Variants in CDK7 observed in about 807,000 individuals in gnomAD.
CDK7 encodes cyclin dependent kinase 7, also known as cyclin-dependent kinase 7.
A neutral mutation model predicts 49.1 loss-of-function variants in CDK7; 25 were observed. The observed-to-expected ratio is 0.51, with a 90% CI of 0.37 to 0.71. The LOEUF is 0.71. Ranked by LOEUF, CDK7 falls within the 30% of genes least tolerant of loss-of-function variation. CDK7 has a pLI of 0.00. For synonymous variants in CDK7, 107 were observed against 140.0 expected (o/e 0.76, Z 1.67); for missense variants, 316 against 411.7 (o/e 0.77, Z 2.01).
In CDK7 at chr5:69,272,896, T is replaced by C. The variant is rs1238511100; in HGVS notation, c.719T>C (p.Met240Thr). 5 of 1,579,150 alleles carry C rather than the reference T, an allele frequency of 3.2e-6. No individual in the cohort carries two copies. The highest frequency in any genetic ancestry group is 2.2e-5 in the East Asian group (1 of 44,578). Residue 240 changes from methionine (M) to threonine (T), a missense_variant, in exon 10 of 12, where the codon ATG becomes ACG. Transcript: ENST00000256443. The stretch of plus-strand genomic sequence containing the variant: ...ATTACAAAATTATTTTTACAGGACA[T>C]GTGTAGTCTTCCAGATTATGTGACA... ...GTPTEEQWPD[M>T]CSLPDYVTFK... is the part of the protein sequence containing the mutation.
chr5:69,276,760 G>T, intron 11 of CDK7, 70 bp downstream of exon 11: 1 of 1,314,540 alleles, frequency 7.6e-7, no homozygotes, highest in South Asian at 1.3e-5. Flanking sequence ...TATGGCTAGC[G>T]ACTGAACAAC....
intron 9 of CDK7, among the ~76,000 whole-genome samples, chr5:69,270,973 T>G (rs534711952): frequency 6.6e-6 from 1 of 152,342 alleles, no homozygotes; most frequent in South Asian, 2.1e-4. Flanking sequence ...TATTTTTATT[T>G]CTCTGGGATA....
intron 11 of CDK7, 89 bp from the exon 12 acceptor site, chr5:69,277,018 A>G: frequency 9.3e-7 from 1 of 1,075,280 alleles, no homozygotes; most frequent in South Asian, 1.5e-5. Context: ...ATGTAGTTGG[A>G]ATGCAGTGAC....
chr5:69,262,138 A>G, intron 7 of CDK7, 67 bp from the exon 8 acceptor site: 1 of 1,598,002 alleles, frequency 6.3e-7, no homozygotes, highest in Non-Finnish European at 8.6e-7. Flanking sequence ...AGGATCGTTC[A>G]TCCCTAGAGA....
chr5:69,273,419 C>T (rs1182265730), intron 10 of CDK7, among the ~76,000 whole-genome samples: 1 of 152,142 alleles, frequency 6.6e-6, no homozygotes, highest in Non-Finnish European at 1.5e-5. Context: ...TGTAGCAATG[C>T]TGAAAGTAGT....
At chr5:69,243,893 T>C (rs1199326695) in intron 2 of CDK7, among the ~76,000 whole-genome samples, 2 of 141,198 alleles carry the variant, frequency 1.4e-5, no homozygotes, top group Non-Finnish European at 3.0e-5. Context: ...AGTTCAATGG[T>C]GCAATCTCAG....
At chr5:69,245,504 C>T (rs1045734275) in intron 2 of CDK7, among the ~76,000 whole-genome samples, 2 of 151,828 alleles carry the variant, frequency 1.3e-5, no homozygotes, top group Admixed American at 6.6e-5. Flanking sequence ...CCACGCCTGG[C>T]TACTTTTTAT....
chr5:69,263,945 C>T (rs1486950569), intron 8 of CDK7, among the ~76,000 whole-genome samples: 2 of 152,200 alleles, frequency 1.3e-5, no homozygotes, highest in East Asian at 3.8e-4. Context: ...AGGAAAATGA[C>T]ATGCAGACTA....
At chr5:69,235,512 G>A (rs1748909214) in intron 2 of CDK7, 59 bp downstream of exon 2, 8 of 1,098,014 alleles carry the variant, frequency 7.3e-6, no homozygotes, top group Non-Finnish European at 9.8e-6. Context: ...ATTATTAATT[G>A]ACTGATAGCC....
At chr5:69,251,114 T>TTTC (rs1554063779) in intron 2 of CDK7, among the ~76,000 whole-genome samples, 10 of 150,782 alleles carry the variant, frequency 6.6e-5, no homozygotes, top group Admixed American at 6.0e-4. Context: ...TTTTTTTTTT[T>TTTC]CGAGACAGAG....
At chr5:69,251,822 C>T (rs1183015409) in intron 2 of CDK7, among the ~76,000 whole-genome samples, 3 of 152,230 alleles carry the variant, frequency 2.0e-5, no homozygotes, top group Non-Finnish European at 2.9e-5. Context: ...GTGTGAGCCA[C>T]TACACCCCGC....
intron 8 of CDK7, among the ~76,000 whole-genome samples, chr5:69,268,848 A>C (rs969571657): frequency 5.3e-5 from 8 of 150,838 alleles, no homozygotes; most frequent in Non-Finnish European, 1.2e-4. Flanking sequence ...AAAAAAAAAA[A>C]AACCCATCTC....
intron 8 of CDK7, among the ~76,000 whole-genome samples, chr5:69,265,680 C>A (rs747902169): frequency 6.6e-6 from 1 of 152,116 alleles, no homozygotes; most frequent in Non-Finnish European, 1.5e-5. Context: ...GAGGCCAAGG[C>A]GGGTGGATCA....
At chr5:69,266,093 G>T (rs1157599460) in intron 8 of CDK7, among the ~76,000 whole-genome samples, 1 of 152,058 alleles carries the variant, frequency 6.6e-6, no homozygotes, top group Non-Finnish European at 1.5e-5. Flanking sequence ...CTTTAATTGG[G>T]CTCTGCAGGC....
chr5:69,268,010 G>A (rs948106079), intron 8 of CDK7, among the ~76,000 whole-genome samples: 2 of 152,136 alleles, frequency 1.3e-5, no homozygotes, highest in Non-Finnish European at 2.9e-5. Context: ...CGCCCAAGCT[G>A]GAGTGCAGTG....
rs528562283 is a variant in CDK7, at chr5:69,236,021, A to T, written c.126+568A>T. Among the ~76,000 whole-genome samples, 465 of 152,298 alleles carry T rather than the reference A, an allele frequency of 3.1e-3. 5 individuals are homozygous for T. Among genetic ancestry groups the T allele is most frequent in the African/African-American group, 0.011 (453 of 41,580 alleles). On this transcript the variant is annotated intron_variant, in intron 2 of 11. Transcript: ENST00000256443. ...TTTGGGAGGCCGAGGTGGGCGGATC[A>T]CTTGGGGTCAAGAGATCCAGACCAT...
intron 5 of CDK7, 70 bp downstream of exon 5, chr5:69,255,598 C>T: frequency 8.8e-7 from 1 of 1,141,222 alleles, no homozygotes; most frequent in Non-Finnish European, 1.3e-6. Context: ...TATTTGTTTT[C>T]TACCCAAGAA....
chr5:69,237,253 A>G (rs1749062979), intron 2 of CDK7, among the ~76,000 whole-genome samples: 1 of 152,056 alleles, frequency 6.6e-6, no homozygotes, highest in African/African-American at 2.4e-5. Flanking sequence ...GACACATGCC[A>G]CCAAGCCTGG....
intron 6 of CDK7, among the ~76,000 whole-genome samples, chr5:69,259,451 T>C (rs1445791269): frequency 6.6e-6 from 1 of 152,186 alleles, no homozygotes; most frequent in African/African-American, 2.4e-5. Flanking sequence ...TCCTCATTCT[T>C]ATACATTAAC....
Sources: allele counts gnomAD v4.1 joint callset (sites outside exome capture counted in the v4.1 genomes callset), GRCh38; gene constraint gnomAD v4.1.1; transcripts MANE v1.5; gene names NCBI Gene and HGNC (gene_info 2026-07-23, HGNC 2026-07-21).